CIROZ: variants seen among roughly 807,000 people sequenced by gnomAD.
CIROZ encodes the protein ciliated left-right organizer ZP-N domains-containing protein.
the CIROZ span, among the ~76,000 whole-genome samples, chr1:10,974,973 C>G: frequency 6.6e-6 from 1 of 152,116 alleles, no homozygotes; most frequent in African/African-American, 2.4e-5. This position sits in a 1 kb window ranked among gnomAD's most constrained non-coding sequence, Gnocchi z 4.4. Context: ...TCACTGACAT[C>G]AAGAAGATGA....
the CIROZ span, chr1:10,954,990 C>T: frequency 6.2e-7 from 1 of 1,601,002 alleles, no homozygotes; most frequent in East Asian, 2.2e-5. Context: ...GGATACTCAC[C>T]TGGACCTGGA....
the CIROZ span, among the ~76,000 whole-genome samples, chr1:10,971,270 C>A: frequency 6.6e-6 from 1 of 150,900 alleles, no homozygotes; most frequent in Non-Finnish European, 1.5e-5. Context: ...AGAGGCAGTG[C>A]GCAATGTCCT....
At chr1:10,963,561 T>C in the CIROZ span, among the ~76,000 whole-genome samples, 1 of 152,124 alleles carries the variant, frequency 6.6e-6, no homozygotes, top group East Asian at 1.9e-4. Context: ...CATGTTTAGC[T>C]TACAGAGGTG....
chr1:10,963,909 C>G, the CIROZ span, among the ~76,000 whole-genome samples: 2,188 of 152,234 alleles, frequency 0.014, 67 homozygotes, highest in African/African-American at 0.051. Context: ...CCCTCCCCTC[C>G]CATCTCACTC....
At chr1:10,969,748 CAGG>C in the CIROZ span, among the ~76,000 whole-genome samples, 1 of 152,252 alleles carries the variant, frequency 6.6e-6, no homozygotes, top group African/African-American at 2.4e-5. Flanking sequence ...GGAACAATGG[CAGG>C]AGATCATCTT....
At chr1:10,949,830 C>G in the CIROZ span, 1 of 1,529,688 alleles carries the variant, frequency 6.5e-7, no homozygotes, top group Non-Finnish European at 8.8e-7. Flanking sequence ...AGAGAGAAGA[C>G]AGAGGTCAGC....
chr1:10,951,745 A>AAAAAAAAAAAAATATATATATATAT, the CIROZ span, among the ~76,000 whole-genome samples: 1 of 119,206 alleles, frequency 8.4e-6, no homozygotes, highest in African/African-American at 3.6e-5. Context: ...AAAAAAAAAA[A>AAAAAAAAAAAAATATATATATATAT]ATATATATAT....
At chr1:10,952,938 A>G in the CIROZ span, among the ~76,000 whole-genome samples, 2 of 152,232 alleles carry the variant, frequency 1.3e-5, no homozygotes, top group African/African-American at 2.4e-5. Flanking sequence ...TGCTTATTGA[A>G]TATCTGTTGG....
At chr1:10,958,471 C>A in the CIROZ span, among the ~76,000 whole-genome samples, 1 of 152,202 alleles carries the variant, frequency 6.6e-6, no homozygotes, top group Admixed American at 6.5e-5. Flanking sequence ...AGCCTCCCAC[C>A]CAAAGCTGGG....
chr1:10,975,463 C>A, the CIROZ span, among the ~76,000 whole-genome samples: 1 of 149,478 alleles, frequency 6.7e-6, no homozygotes, highest in Non-Finnish European at 1.5e-5. Flanking sequence ...GTGGTGCACA[C>A]CTGTAGTCCC....
the CIROZ span, among the ~76,000 whole-genome samples, chr1:10,979,577 G>T: frequency 6.7e-6 from 1 of 150,190 alleles, no homozygotes; most frequent in African/African-American, 2.5e-5. Flanking sequence ...CTTCGACCCA[G>T]CGCTTCCTCT....
At chr1:10,951,745 A>AAAAAAAAATATATATATATATAT in the CIROZ span, among the ~76,000 whole-genome samples, 1 of 119,206 alleles carries the variant, frequency 8.4e-6, no homozygotes, top group African/African-American at 3.6e-5. Flanking sequence ...AAAAAAAAAA[A>AAAAAAAAATATATATATATATAT]ATATATATAT....
the CIROZ span, chr1:10,948,573 G>A: frequency 8.7e-6 from 14 of 1,614,080 alleles, no homozygotes; most frequent in East Asian, 6.7e-5. Flanking sequence ...CCTCGGGGCT[G>A]GCGGTGAAGG....
At chr1:10,955,381 G>GAA in the CIROZ span, among the ~76,000 whole-genome samples, 28 of 151,988 alleles carry the variant, frequency 1.8e-4, no homozygotes, top group African/African-American at 2.4e-5. Flanking sequence ...ATGAAGAAGA[G>GAA]AAGAAAAAAA....
At chr1:10,979,389 T>C in the CIROZ span, among the ~76,000 whole-genome samples, 875 of 152,172 alleles carry the variant, frequency 5.8e-3, 12 homozygotes, top group African/African-American at 0.02. Context: ...ACAAAGAAGC[T>C]TTCCTTAGAG....
At chr1:10,950,542 G>A in the CIROZ span, among the ~76,000 whole-genome samples, 1 of 152,198 alleles carries the variant, frequency 6.6e-6, no homozygotes, top group Non-Finnish European at 1.5e-5. Context: ...ACTCAGCCCA[G>A]GCAGCGTAGG....
the CIROZ span, chr1:10,970,004 C>A: frequency 6.5e-7 from 1 of 1,537,080 alleles, no homozygotes; most frequent in Admixed American, 2.0e-5. Context: ...GCCACCGCCT[C>A]AGCCCCTCCA....
chr1:10,964,407 A>C, the CIROZ span: 14 of 1,102,910 alleles, frequency 1.3e-5, no homozygotes, highest in Non-Finnish European at 1.7e-5. Flanking sequence ...TGGAAGAGGG[A>C]TGGGAAACGA....
chr1:10,949,640 G>A, the CIROZ span: 1 of 1,605,016 alleles, frequency 6.2e-7, no homozygotes, highest in Non-Finnish European at 8.5e-7. Flanking sequence ...CAGTGCGTCG[G>A]AAGGCCGGTG....
Sources: allele counts gnomAD v4.1 joint callset (sites outside exome capture counted in the v4.1 genomes callset), GRCh38; gene constraint gnomAD v4.1.1; non-coding constraint Gnocchi (gnomAD v3.1); transcripts MANE v1.5; gene names NCBI Gene and HGNC (gene_info 2026-07-23, HGNC 2026-07-21).